HS3ST3A1: variants seen among roughly 807,000 people sequenced by gnomAD.
HS3ST3A1 encodes heparan sulfate glucosamine 3-O-sulfotransferase 3A1.
Under a neutral mutation model 25.7 loss-of-function variants are expected in HS3ST3A1, and 19 were observed. The observed-to-expected ratio is 0.74, with a 90% CI of 0.52 to 1.08. HS3ST3A1 has a LOEUF of 1.08. HS3ST3A1 is among the 50% of genes least tolerant of loss of function. HS3ST3A1 has a pLI of 0.00. For synonymous variants in HS3ST3A1, 226 were observed against 278.6 expected, an observed-to-expected ratio of 0.81 and a Z score of 1.88; for missense variants, 459 against 594.3, an observed-to-expected ratio of 0.77 and a Z score of 2.37.
chr17:13,516,137 C>T (rs1485114293), intron 1 of HS3ST3A1, among the ~76,000 whole-genome samples: 2 of 152,012 alleles, frequency 1.3e-5, no homozygotes, highest in Middle Eastern at 3.4e-3. Context: ...GGAGAAAGCC[C>T]GTTGCTACTA....
intron 1 of HS3ST3A1, 75 bp downstream of exon 1, chr17:13,600,456 C>A (rs142627880): frequency 1.4e-6 from 2 of 1,452,662 alleles, no homozygotes; most frequent in African/African-American, 1.5e-5. Flanking sequence ...TGGGGGTCAC[C>A]GAGGGCTCCT....
At chr17:13,551,304 G>A (rs967921200) in intron 1 of HS3ST3A1, among the ~76,000 whole-genome samples, 3 of 150,918 alleles carry the variant, frequency 2.0e-5, no homozygotes, top group Non-Finnish European at 2.9e-5. Flanking sequence ...AGCTGAGATC[G>A]GGCCACTGCA....
intron 1 of HS3ST3A1, among the ~76,000 whole-genome samples, chr17:13,556,287 C>A (rs905974946): frequency 1.1e-4 from 16 of 151,976 alleles, no homozygotes; most frequent in Non-Finnish European, 7.4e-5. Flanking sequence ...GCGGGCAGAT[C>A]ACGAGGTCAG....
intron 1 of HS3ST3A1, among the ~76,000 whole-genome samples, chr17:13,574,121 T>C (rs930623010): frequency 8.0e-5 from 12 of 150,150 alleles, no homozygotes; most frequent in Non-Finnish European, 8.8e-5. Flanking sequence ...TATATACCCA[T>C]TGCCATATCA....
chr17:13,520,762 C>T (rs1035994072), intron 1 of HS3ST3A1, among the ~76,000 whole-genome samples: 2 of 151,946 alleles, frequency 1.3e-5, no homozygotes, highest in Non-Finnish European at 2.9e-5. Flanking sequence ...TTACAGGCAC[C>T]CACCAGGCCT....
chr17:13,575,718 T>C (rs1222168268), intron 1 of HS3ST3A1, among the ~76,000 whole-genome samples: 1 of 152,196 alleles, frequency 6.6e-6, no homozygotes, highest in Non-Finnish European at 1.5e-5. Flanking sequence ...GTGGCTGGAA[T>C]GTCTACCGAA....
chr17:13,591,984 C>G (rs1465803293), intron 1 of HS3ST3A1, among the ~76,000 whole-genome samples: 1 of 152,148 alleles, frequency 6.6e-6, no homozygotes, highest in Non-Finnish European at 1.5e-5. Flanking sequence ...AATTTTCTAA[C>G]TAAAGGTCCA....
rs191650220 is a variant in HS3ST3A1 at position 13,574,307 on chromosome 17, G to A, written c.599+26224C>T. Among the ~76,000 whole-genome samples, 6 of 151,508 alleles carry A rather than the reference G, an allele frequency of 4.0e-5. 1 individual carries two copies. In the East Asian group the frequency reaches 1.2e-3, roughly 31 times the overall value. On this transcript the variant is annotated intron_variant, in intron 1 of 1. Transcript: ENST00000284110. ...TGTCACCACGCCTGGCTAATTTTTT[G>A]TGTTTTTAGTAGAGACGGGTTTTCA...
intron 1 of HS3ST3A1, among the ~76,000 whole-genome samples, chr17:13,589,879 T>C (rs1908375002): frequency 6.6e-6 from 1 of 152,160 alleles, no homozygotes. Context: ...TTTTGTTAAA[T>C]ACCTGAACTT....
intron 1 of HS3ST3A1, among the ~76,000 whole-genome samples, chr17:13,506,050 G>T (rs1334492311): frequency 2.0e-5 from 3 of 147,840 alleles, no homozygotes; most frequent in Non-Finnish European, 4.5e-5. Context: ...AAAAAAATTG[G>T]ATTTCTGTTT....
chr17:13,525,276 C>G (rs1183010030), intron 1 of HS3ST3A1, among the ~76,000 whole-genome samples: 4 of 152,080 alleles, frequency 2.6e-5, no homozygotes, highest in Non-Finnish European at 4.4e-5. Context: ...TATACCTTAA[C>G]CATATCAGGT....
chr17:13,496,082 A>T lies in HS3ST3A1; in HGVS notation c.*115T>A. Reference sequence around the variant, plus strand: ...GAGTGAGAACAATCTCTTAACATTCATTGAAAAAAATACTGAAACATATTT... The same window carrying T: ...GAGTGAGAACAATCTCTTAACATTCTTTGAAAAAAATACTGAAACATATTT... On this transcript the variant is annotated 3_prime_UTR_variant, in exon 2 of 2. Coordinates refer to ENST00000284110, the MANE Select transcript of HS3ST3A1 (RefSeq NM_006042.3). 7.9e-7 allele frequency: 1 copy of T among 1,260,660 alleles called. No homozygotes were observed. Among genetic ancestry groups the T allele is most frequent in the East Asian group, 2.6e-5 (1 of 38,218 alleles). The allele number at this position is 1,260,660 out of a possible 1,614,324, so 78.1% of individuals were successfully genotyped here.
At chr17:13,593,039 A>C (rs1466528512) in intron 1 of HS3ST3A1, among the ~76,000 whole-genome samples, 1 of 152,146 alleles carries the variant, frequency 6.6e-6, no homozygotes, top group African/African-American at 2.4e-5. Context: ...CTCCTATGGA[A>C]AGTTTCATAA....
intron 1 of HS3ST3A1, among the ~76,000 whole-genome samples, chr17:13,537,577 A>T (rs558766711): frequency 1.2e-4 from 18 of 152,342 alleles, no homozygotes; most frequent in Admixed American, 2.0e-4. Context: ...AGAGAAATTA[A>T]TGCCTGTGTC....
At chr17:13,600,284 T>C (rs1259832715) in intron 1 of HS3ST3A1, among the ~76,000 whole-genome samples, 2 of 152,100 alleles carry the variant, frequency 1.3e-5, no homozygotes, top group Non-Finnish European at 2.9e-5. Context: ...CCAGACTGGC[T>C]ATTTGCTGGC....
At chr17:13,551,219 T>C (rs1167423991) in intron 1 of HS3ST3A1, among the ~76,000 whole-genome samples, 1 of 146,512 alleles carries the variant, frequency 6.8e-6, no homozygotes, top group African/African-American at 2.5e-5. Flanking sequence ...CGTGGTTGTG[T>C]GTGTCTGTAA....
At chr17:13,594,272 T>G (rs1034551203) in intron 1 of HS3ST3A1, among the ~76,000 whole-genome samples, 2 of 152,210 alleles carry the variant, frequency 1.3e-5, no homozygotes, top group African/African-American at 4.8e-5. Flanking sequence ...CTGTCCTATT[T>G]GTCCCTTTCA....
At chr17:13,581,773 G>C (rs147248231) in intron 1 of HS3ST3A1, among the ~76,000 whole-genome samples, 1 of 152,184 alleles carries the variant, frequency 6.6e-6, no homozygotes, top group African/African-American at 2.4e-5. Flanking sequence ...TATCAGATAA[G>C]TATTGGGCTA....
intron 1 of HS3ST3A1, among the ~76,000 whole-genome samples, chr17:13,541,889 T>A (rs1906942897): frequency 6.6e-6 from 1 of 152,152 alleles, no homozygotes; most frequent in Non-Finnish European, 1.5e-5. Context: ...GTACATGTAG[T>A]AAAGCATGTT....
Sources: gnomAD v4.1 joint callset for allele counts (sites outside exome capture counted in the v4.1 genomes callset) on GRCh38, gnomAD v4.1.1 for gene constraint, MANE v1.5 for transcripts, NCBI Gene and HGNC (gene_info 2026-07-23, HGNC 2026-07-21) for gene names.